Variants in SH3RF3 observed in about 807,000 individuals in gnomAD.
The protein encoded by SH3RF3 is E3 ubiquitin-protein ligase SH3RF3.
SH3RF3 carries 29 observed loss-of-function variants against 66.3 expected under a neutral mutation model. The ratio of observed to expected loss-of-function variants is 0.44; its 90% CI spans 0.33 to 0.60. The LOEUF is 0.60. Ranked by LOEUF, SH3RF3 falls within the 20% of genes least tolerant of loss-of-function variation. The probability of loss-of-function intolerance (pLI) is 0.04; values close to 1 mark genes in which losing one functional copy is unlikely to be tolerated. For synonymous variants in SH3RF3, 583 were observed against 532.0 expected, an observed-to-expected ratio of 1.10 and a Z score of -1.32; for missense variants, 1,194 against 1,190.9, an observed-to-expected ratio of 1.00 and a Z score of -0.04.
intron 1 of SH3RF3, among the ~76,000 whole-genome samples, chr2:109,201,478 T>C (rs1437197531): frequency 3.3e-5 from 5 of 151,942 alleles, no homozygotes; most frequent in Admixed American, 6.6e-5. Flanking sequence ...CTCTCTCTTA[T>C]CTCTCTCTCC....
At chr2:109,382,580 CAG>C (rs1675722024) in intron 3 of SH3RF3, among the ~76,000 whole-genome samples, 1 of 152,220 alleles carries the variant, frequency 6.6e-6, no homozygotes, top group Non-Finnish European at 1.5e-5. Context: ...TCACCCCACA[CAG>C]AGCACCCCAG....
intron 1 of SH3RF3, among the ~76,000 whole-genome samples, chr2:109,252,920 C>G (rs539172152): frequency 1.1e-4 from 16 of 152,206 alleles, no homozygotes; most frequent in African/African-American, 3.9e-4. Flanking sequence ...GTCAGCCCAT[C>G]GTAAGTAGGG....
At position 109,129,369 on chromosome 2, in the gene SH3RF3, G is replaced by A. The variant is rs1311863951; in HGVS notation, c.-172G>A. The A allele has an allele frequency of 1.2e-5, 9 of 770,140 alleles. No homozygotes were observed. In the African/African-American group the frequency reaches 1.8e-4, roughly 16 times the overall value. The allele number at this position is 770,140 out of a possible 1,614,324, so 47.7% of individuals were successfully genotyped here. A position where few individuals can be genotyped will look rare whatever the true frequency, so the allele number is the denominator to read the frequency against. ...CAGGCCGGTCCCCGCCACGCAGGCC[G>A]GTCGGTGAGCCACTTCGCACCGCCA... On this transcript the variant is annotated 5_prime_UTR_variant, in exon 1 of 10. Transcript: ENST00000309415.
intron 1 of SH3RF3, among the ~76,000 whole-genome samples, chr2:109,344,673 G>A (rs189964556): frequency 2.3e-4 from 35 of 152,328 alleles, no homozygotes; most frequent in Admixed American, 6.5e-4. Flanking sequence ...GGCAGTGGGA[G>A]TGGGAGGGTG....
intron 1 of SH3RF3, among the ~76,000 whole-genome samples, chr2:109,186,890 C>T (rs554580949): frequency 2.4e-4 from 36 of 152,266 alleles, no homozygotes; most frequent in African/African-American, 8.7e-4. Context: ...TTCTGTGGGT[C>T]CATATATTCA....
At chr2:109,483,053 C>T (rs192602710) in intron 8 of SH3RF3, among the ~76,000 whole-genome samples, 1 of 152,320 alleles carries the variant, frequency 6.6e-6, no homozygotes, top group East Asian at 1.9e-4. Context: ...TTCTATTCCT[C>T]TGCCCTCTCT....
chr2:109,182,411 A>C (rs112840844), intron 1 of SH3RF3, among the ~76,000 whole-genome samples: 1 of 152,202 alleles, frequency 6.6e-6, no homozygotes, highest in African/African-American at 2.4e-5. Context: ...TAAAGGTCCA[A>C]ACCCTCTGCA....
intron 1 of SH3RF3, among the ~76,000 whole-genome samples, chr2:109,249,518 T>TG (rs1680015683): frequency 2.4e-5 from 1 of 41,348 alleles, no homozygotes; most frequent in African/African-American, 8.8e-5. Context: ...TCATTCTTTC[T>TG]TTTTCTTTCT....
intron 2 of SH3RF3, among the ~76,000 whole-genome samples, chr2:109,366,449 A>G (rs1466080790): frequency 6.6e-6 from 1 of 151,874 alleles, no homozygotes; most frequent in African/African-American, 2.4e-5. Context: ...ACTACCATTT[A>G]TATCTTTCTA....
At chr2:109,286,779 G>T (rs1302295973) in intron 1 of SH3RF3, among the ~76,000 whole-genome samples, 2 of 152,174 alleles carry the variant, frequency 1.3e-5, no homozygotes, top group Non-Finnish European at 2.9e-5. Context: ...AGTGGACGCT[G>T]CCCCATACCT....
intron 1 of SH3RF3, among the ~76,000 whole-genome samples, chr2:109,294,107 A>G (rs759393856): frequency 2.0e-5 from 3 of 152,122 alleles, no homozygotes; most frequent in Non-Finnish European, 4.4e-5. Flanking sequence ...GTTGTGGTTT[A>G]TGATTGCTCC....
At chr2:109,210,754 G>A (rs1448504442) in intron 1 of SH3RF3, among the ~76,000 whole-genome samples, 1 of 152,154 alleles carries the variant, frequency 6.6e-6, no homozygotes, top group African/African-American at 2.4e-5. Flanking sequence ...AGGGAGAAAT[G>A]CTGTGAATTA....
intron 1 of SH3RF3, among the ~76,000 whole-genome samples, chr2:109,179,819 A>C (rs534658814): frequency 6.6e-6 from 1 of 152,226 alleles, no homozygotes; most frequent in African/African-American, 2.4e-5. Context: ...TGGGGGACAC[A>C]TTCAAACCAT....
intron 1 of SH3RF3, among the ~76,000 whole-genome samples, chr2:109,140,810 T>C (rs974795268): frequency 6.6e-6 from 1 of 152,210 alleles, no homozygotes; most frequent in African/African-American, 2.4e-5. Flanking sequence ...CTCCTCTGTG[T>C]CCCCAAACTA....
At chr2:109,459,533 A>G (rs979427949) in intron 8 of SH3RF3, among the ~76,000 whole-genome samples, 6 of 152,120 alleles carry the variant, frequency 3.9e-5, no homozygotes, top group Admixed American at 6.5e-5. Context: ...AGAGCGTGCT[A>G]GGAGACACCC....
chr2:109,154,383 C>T (rs761968013), intron 1 of SH3RF3, among the ~76,000 whole-genome samples: 20 of 152,166 alleles, frequency 1.3e-4, no homozygotes, highest in Non-Finnish European at 2.2e-4. Flanking sequence ...AGTACAGATA[C>T]ACAGAAGGCC....
intron 1 of SH3RF3, among the ~76,000 whole-genome samples, chr2:109,334,142 T>G (rs978257061): frequency 6.6e-6 from 1 of 152,136 alleles, no homozygotes; most frequent in Non-Finnish European, 1.5e-5. Flanking sequence ...GAGGACTGTT[T>G]GAGCCCACAA....
intron 3 of SH3RF3, among the ~76,000 whole-genome samples, chr2:109,374,138 C>T (rs1307658795): frequency 1.3e-5 from 2 of 152,214 alleles, no homozygotes; most frequent in African/African-American, 4.8e-5. Context: ...GTTCTGCCTC[C>T]ACTCTTGGGC....
At chr2:109,338,719 G>A (rs934042847) in intron 1 of SH3RF3, among the ~76,000 whole-genome samples, 1 of 152,092 alleles carries the variant, frequency 6.6e-6, no homozygotes, top group Non-Finnish European at 1.5e-5. Context: ...CACCACGCCC[G>A]ACTAATTTGT....
Sources: allele counts gnomAD v4.1 joint callset (sites outside exome capture counted in the v4.1 genomes callset), GRCh38; gene constraint gnomAD v4.1.1; transcripts MANE v1.5; gene names NCBI Gene and HGNC (gene_info 2026-07-23, HGNC 2026-07-21).